The following XRCC1 variants were observed in gnomAD, a reference collection of about 807,000 sequenced individuals.
XRCC1 encodes X-ray repair cross complementing 1, also known as DNA repair protein XRCC1.
XRCC1 carries 52 observed loss-of-function variants against 83.3 expected under a neutral mutation model. That is an observed-to-expected ratio of 0.62 (90% CI 0.50 to 0.79). The LOEUF is 0.79. XRCC1 is among the 30% of genes least tolerant of loss of function. The pLI, the probability that XRCC1 is intolerant of heterozygous loss-of-function variation, is 0.00. For synonymous variants in XRCC1, 281 were observed against 312.6 expected (o/e 0.90, Z 1.07); for missense variants, 793 against 823.5 (o/e 0.96, Z 0.45).
At position 43,551,621 on chromosome 19, in the gene XRCC1, C is replaced by T. The variant is rs1456879143; in HGVS notation, c.1149G>A (p.Lys383=). The change falls in exon 10 of 17, where the codon AAG becomes AAA. Residue 383 remains lysine, a synonymous_variant. Transcript: ENST00000262887. ...TGCGGTGACAGTCCAGCACCCACTCCTTACGCACGATGCGGCCTCCCAGGC... is the reference window on the plus strand; with the variant it reads ...TGCGGTGACAGTCCAGCACCCACTCTTTACGCACGATGCGGCCTCCCAGGC... ...VLGLGGRIVR[K]EWVLDCHRMR... is the part of the protein sequence containing the mutation. 1 of 1,614,234 alleles carries T rather than the reference C, an allele frequency of 6.2e-7. No homozygotes were observed. Among genetic ancestry groups the T allele is most frequent in the South Asian group, 1.1e-5 (1 of 91,088 alleles).
In XRCC1 at chr19:43,546,921, C is replaced by A. The variant is rs1972517605; in HGVS notation, c.1256G>T (p.Gly419Val). Residue 419 changes from glycine to valine, a missense_variant, in exon 11 of 17, where the codon GGT (glycine) becomes GTT (valine). Physicochemically the swap from Gly to Val is moderately radical, Grantham distance 109 (BLOSUM62 -3). Coordinates refer to ENST00000262887, the MANE Select transcript of XRCC1 (RefSeq NM_006297.3). ...CTTGGGGGCTTCATCTCCGCTGCCACCGCTGTGAGAGGCCTCATCCTCCTC... is the reference window on the plus strand; with the variant it reads ...CTTGGGGGCTTCATCTCCGCTGCCAACGCTGTGAGAGGCCTCATCCTCCTC... ...SSEEDEASHS[G>V]GSGDEAPKLP... 6.2e-7 allele frequency: 1 copy of A among 1,613,912 alleles called. No individual in the cohort carries two copies. The highest frequency in any genetic ancestry group is 8.5e-7 in the Non-Finnish European group (1 of 1,180,020).
intron 2 of XRCC1, among the ~76,000 whole-genome samples, chr19:43,572,580 G>A (rs1972815180): frequency 6.6e-6 from 1 of 152,148 alleles, no homozygotes; most frequent in South Asian, 2.1e-4. Flanking sequence ...AAGGTGGGTG[G>A]ATCACTTAAA....
At chr19:43,552,690 C>G in intron 8 of XRCC1, 107 bp downstream of exon 8, 3 of 1,123,658 alleles carry the variant, frequency 2.7e-6, no homozygotes, top group Non-Finnish European at 2.5e-6. Context: ...GGGGTCCAGG[C>G]CCCCAGCCCT....
chr19:43,575,496 G>GTAGA lies in XRCC1; in HGVS notation c.-42_-39dup. 1 of 1,605,470 alleles carries GTAGA rather than the reference G, an allele frequency of 6.2e-7. No individual in the cohort carries two copies. On this transcript the variant is annotated 5_prime_UTR_variant, in exon 1 of 17. Transcript: ENST00000262887. ...GGCTTCGCCTGGCCAGAAGGATGAG[G>GTAGA]TAGAGTATGGGGTCCGAGGGGCAGG...
rs200842482 is a variant in XRCC1, at chr19:43,551,592, C to A, written c.1178G>T (p.Arg393Leu). Reference sequence around the variant, plus strand: ...TTACCTCTGGGAGGGCAGCCGCCGACGCATGCGGTGACAGTCCAGCACCCA... The same window carrying A: ...TTACCTCTGGGAGGGCAGCCGCCGAAGCATGCGGTGACAGTCCAGCACCCA... ...KEWVLDCHRM[R>L]RRLPSQRYLM... The change falls in exon 10 of 17, where the codon CGT becomes CTT. Residue 393 changes from arginine (R) to leucine (L), a missense_variant. Arg to Leu is a moderately radical substitution (Grantham distance 102, BLOSUM62 -2). Transcript: ENST00000262887. The A allele has an allele frequency of 1.9e-6, 3 of 1,614,150 alleles. No individual in the cohort carries two copies. Among genetic ancestry groups the A allele is most frequent in the Non-Finnish European group, 2.5e-6 (3 of 1,180,008 alleles).
In XRCC1 at chr19:43,545,849, C is replaced by T. The variant is rs541048435; in HGVS notation, c.1590G>A (p.Glu530=). 1 of 1,613,912 alleles carries T rather than the reference C, an allele frequency of 6.2e-7. No homozygotes were observed. ...DENTDSEEHQ[E]PPDLPVPELP... ...GCTCAGGGACTGGCAGATCAGGAGGCTCCTGGTGTTCCTCACTGTCCGTGT... is the reference window on the plus strand; with the variant it reads ...GCTCAGGGACTGGCAGATCAGGAGGTTCCTGGTGTTCCTCACTGTCCGTGT... Residue 530 remains glutamate, a synonymous_variant, in exon 14 of 17, where the codon GAG becomes GAA. Coordinates refer to ENST00000262887, the MANE Select transcript of XRCC1 (RefSeq NM_006297.3).
intron 2 of XRCC1, among the ~76,000 whole-genome samples, chr19:43,561,521 C>T (rs773550550): frequency 6.6e-6 from 1 of 152,218 alleles, no homozygotes; most frequent in African/African-American, 2.4e-5. Flanking sequence ...ACCAGTTAAC[C>T]TTTTGGAGCC....
chr19:43,563,947 C>T (rs1162452507), intron 2 of XRCC1, among the ~76,000 whole-genome samples: 1 of 152,158 alleles, frequency 6.6e-6, no homozygotes, highest in East Asian at 1.9e-4. Flanking sequence ...TACTGTGTCC[C>T]CAAGGCCAAG....
intron 2 of XRCC1, chr19:43,574,679 G>A: frequency 2.0e-6 from 1 of 506,572 alleles, no homozygotes. Flanking sequence ...GAAAGTAGAT[G>A]CCACCTGCCC....
At chr19:43,554,101 G>A (rs1015023196) in intron 4 of XRCC1, among the ~76,000 whole-genome samples, 1 of 152,188 alleles carries the variant, frequency 6.6e-6, no homozygotes, top group African/African-American at 2.4e-5. Context: ...CTCATAAGGA[G>A]AAGCCAGCTG....
intron 10 of XRCC1, among the ~76,000 whole-genome samples, chr19:43,548,741 T>A (rs1600044597): frequency 9.6e-6 from 1 of 104,166 alleles, no homozygotes; most frequent in African/African-American, 3.7e-5. Flanking sequence ...CAAATCCCCC[T>A]CTGTGAGAAA....
intron 10 of XRCC1, among the ~76,000 whole-genome samples, chr19:43,548,779 A>AAAAAAAAAAC (rs1213062759): frequency 3.5e-5 from 5 of 141,734 alleles, no homozygotes; most frequent in South Asian, 2.4e-4. Flanking sequence ...AAAAAAAAAA[A>AAAAAAAAAAC]AAAAAAACAC....
At position 43,553,436 on chromosome 19, in the gene XRCC1, G is replaced by T. The variant is rs760399196; in HGVS notation, c.566C>A (p.Ala189Asp). ...CTTGTTGATCCGGCTGAAGAAGAGA[G>T]CCCCCGGCCTCAGAGAGTTGGCGCT... The part of the protein sequence containing the change: ...DESANSLRPG[A>D]LFFSRINKTS... The change falls in exon 6 of 17, where the codon GCT becomes GAT. Residue 189 changes from alanine to aspartate, a missense_variant. Physicochemically the swap from Ala to Asp is moderately radical, Grantham distance 126. Coordinates refer to ENST00000262887, the MANE Select transcript of XRCC1 (RefSeq NM_006297.3). 6.2e-7 allele frequency: 1 copy of T among 1,614,144 alleles called. No homozygotes were observed. Among genetic ancestry groups the T allele is most frequent in the South Asian group, 1.1e-5 (1 of 91,080 alleles).
At chr19:43,554,267 CG>C in intron 4 of XRCC1, among the ~76,000 whole-genome samples, 1 of 152,260 alleles carries the variant, frequency 6.6e-6, no homozygotes, top group Admixed American at 6.5e-5. Context: ...GCCCAGAGAG[CG>C]TAAGTCACTT....
chr19:43,569,414 T>C (rs1352713534), intron 2 of XRCC1, among the ~76,000 whole-genome samples: 2 of 150,006 alleles, frequency 1.3e-5, no homozygotes, highest in Admixed American at 6.7e-5. Flanking sequence ...AGGTCGAGCC[T>C]GTAGTGAGCT....
rs561765698 is a variant in XRCC1, at chr19:43,571,918, G to A, written c.144+2992C>T. ...ACAAATAAATCCATCATCTACTCCCGAGTCTATAGGTTCTTTCTCTGCACT... is the reference window on the plus strand; with the variant it reads ...ACAAATAAATCCATCATCTACTCCCAAGTCTATAGGTTCTTTCTCTGCACT... On this transcript the variant is annotated intron_variant, in intron 2 of 16. Coordinates refer to ENST00000262887, the MANE Select transcript of XRCC1 (RefSeq NM_006297.3). Among the ~76,000 whole-genome samples, 54 of 152,290 alleles carry A rather than the reference G, an allele frequency of 3.5e-4. No homozygotes were observed. In the South Asian group the frequency reaches 8.1e-3, roughly 23 times the overall value.
At chr19:43,554,067 G>A (rs558992647) in intron 4 of XRCC1, among the ~76,000 whole-genome samples, 4 of 152,296 alleles carry the variant, frequency 2.6e-5, no homozygotes, top group East Asian at 1.9e-4. Context: ...CAGAAAATAG[G>A]AGAAGTCTGG....
intron 15 of XRCC1, 119 bp downstream of exon 15, chr19:43,544,025 A>G: frequency 1.0e-6 from 1 of 999,190 alleles, no homozygotes; most frequent in South Asian, 1.6e-5. Flanking sequence ...CCTGCTGGGC[A>G]TGGCCCTTCT....
At position 43,560,209 on chromosome 19, in the gene XRCC1, T is replaced by C. The variant is rs113328027; in HGVS notation, c.255+701A>G. Among the ~76,000 whole-genome samples the C allele has an allele frequency of 5.6e-3, 843 of 149,488 alleles. 9 individuals carry two copies. The highest frequency in any genetic ancestry group is 0.019 in the African/African-American group (775 of 40,462). On this transcript the variant is annotated intron_variant, in intron 3 of 16. Coordinates refer to ENST00000262887, the MANE Select transcript of XRCC1 (RefSeq NM_006297.3). ...TTCGAGACCAGCCTGGCCAATATGG[T>C]GAAACCCCGTCTCTACTAAAAATAC... is the stretch of plus-strand genomic sequence containing the variant.
Sources: allele counts gnomAD v4.1 joint callset (sites outside exome capture counted in the v4.1 genomes callset), GRCh38; gene constraint gnomAD v4.1.1; transcripts MANE v1.5; gene names NCBI Gene and HGNC (gene_info 2026-07-23, HGNC 2026-07-21).